NPAS2: variants seen among roughly 807,000 people sequenced by gnomAD.
NPAS2 encodes the protein neuronal PAS domain protein 2.
In NPAS2, 23 loss-of-function variants were observed where a neutral mutation model predicts 107.5. That is an observed-to-expected ratio of 0.21 (90% CI 0.15 to 0.30). NPAS2 has a LOEUF of 0.30. NPAS2 is among the 10% of genes least tolerant of loss of function. The pLI, the probability that NPAS2 is intolerant of heterozygous loss-of-function variation, is 1.00. For synonymous variants in NPAS2, 403 were observed against 417.5 expected (o/e 0.97, Z 0.42); for missense variants, 756 against 1,043.3 (o/e 0.72, Z 3.79).
chr2:100,846,382 T>C (rs1043846881), intron 1 of NPAS2, among the ~76,000 whole-genome samples: 1 of 152,226 alleles, frequency 6.6e-6, no homozygotes, highest in African/African-American at 2.4e-5. Flanking sequence ...TTGAAAGACA[T>C]CTGTAATTTT....
rs189134986 is a variant in NPAS2, at chr2:100,902,877, C to T, written c.-22-1856C>T. Reference sequence around the variant, plus strand: ...GTGCAGCTCAGCTGAATGGCTTAGTCGGGTCAAGTGAGAGGAACGGGGCAG... The same window carrying T: ...GTGCAGCTCAGCTGAATGGCTTAGTTGGGTCAAGTGAGAGGAACGGGGCAG... On this transcript the variant is annotated intron_variant, in intron 1 of 20. Coordinates refer to ENST00000335681, the MANE Select transcript of NPAS2 (RefSeq NM_002518.4). Among the ~76,000 whole-genome samples, 681 of 152,174 alleles carry T rather than the reference C, an allele frequency of 4.5e-3. 3 individuals are homozygous for T. The highest frequency in any genetic ancestry group is 0.016 in the African/African-American group (659 of 41,490).
Position 100,834,608 on chromosome 2 carries a change from G to A in NPAS2, c.-23+14194G>A, listed in dbSNP as rs547257115. 2.0e-5 allele frequency among the ~76,000 whole-genome samples: 3 copies of A among 152,308 alleles called. No individual in the cohort carries two copies. The South Asian group carries it at 6.2e-4, about 32-fold the overall frequency. On this transcript the variant is annotated intron_variant, in intron 1 of 20. Transcript: ENST00000335681. ...CTCATGTATGCCAGGCGGGGTCAGG[G>A]TCAGCTGCAGGATTTTCTCACCCGT...
At chr2:100,954,859 GTTTTTTTTGTTTTTTTTGT>G (rs1479212904) in intron 7 of NPAS2, among the ~76,000 whole-genome samples, 52 of 133,400 alleles carry the variant, frequency 3.9e-4, no homozygotes, top group African/African-American at 1.3e-3. Flanking sequence ...TCATTTTTTT[GTTTTTTTTGTTTTTTTTGT>G]TTTTTTTTGG....
At chr2:100,861,882 C>G (rs767432946) in intron 1 of NPAS2, among the ~76,000 whole-genome samples, 9 of 152,156 alleles carry the variant, frequency 5.9e-5, no homozygotes, top group Admixed American at 6.5e-5. Flanking sequence ...TCTGCACCAT[C>G]CTATGACTAC....
intron 1 of NPAS2, among the ~76,000 whole-genome samples, chr2:100,840,341 C>G (rs1440232170): frequency 1.3e-5 from 2 of 152,116 alleles, no homozygotes; most frequent in Admixed American, 6.5e-5. Context: ...GGAGTGGGGA[C>G]CACGTGTTTT....
chr2:100,875,780 C>T (rs1015682188), intron 1 of NPAS2, among the ~76,000 whole-genome samples: 5 of 152,218 alleles, frequency 3.3e-5, no homozygotes, highest in African/African-American at 1.2e-4. Flanking sequence ...AAACGCAGAA[C>T]AATGGCAGAC....
At chr2:100,979,050 A>G (rs1677230327) in intron 15 of NPAS2, among the ~76,000 whole-genome samples, 2 of 152,192 alleles carry the variant, frequency 1.3e-5, no homozygotes, top group Non-Finnish European at 2.9e-5. Flanking sequence ...CTTGGCACAC[A>G]TCTGTCACCA....
In NPAS2 at chr2:100,959,373, C is replaced by G. The variant is rs565955050; in HGVS notation, c.599-4685C>G. ...CAAAACACAGCTGAAACAAAGGAAA[C>G]AGAAAGGAAAGGATCAAATATGCCC... On this transcript the variant is annotated intron_variant, in intron 7 of 20. Coordinates refer to ENST00000335681, the MANE Select transcript of NPAS2 (RefSeq NM_002518.4). 1.1e-4 allele frequency among the ~76,000 whole-genome samples: 16 copies of G among 152,198 alleles called. No homozygotes were observed. The South Asian group carries it at 3.1e-3, about 30-fold the overall frequency.
At chr2:100,877,750 CAT>C (rs1304484241) in intron 1 of NPAS2, among the ~76,000 whole-genome samples, 2 of 152,154 alleles carry the variant, frequency 1.3e-5, no homozygotes, top group African/African-American at 4.8e-5. Context: ...TGGCGTGACT[CAT>C]CACCGAAGCA....
rs148864767 is a variant in NPAS2 at position 100,921,850 on chromosome 2, C to T, written c.33-3296C>T. Among the ~76,000 whole-genome samples, 940 of 152,164 alleles carry T rather than the reference C, an allele frequency of 6.2e-3. 4 individuals carry two copies. The highest frequency in any genetic ancestry group is 0.014 in the Middle Eastern group (4 of 294). ...TGTATTCACCCAAGAGAAATGAATG[C>T]CTATATCTACACACAGATCTGTACA... On this transcript the variant is annotated intron_variant, in intron 2 of 20. Coordinates refer to ENST00000335681, the MANE Select transcript of NPAS2 (RefSeq NM_002518.4).
chr2:100,877,396 C>T (rs11904551), intron 1 of NPAS2, among the ~76,000 whole-genome samples: 87,697 of 141,504 alleles, frequency 0.62, 27,443 homozygotes, highest in Non-Finnish European at 0.71. Context: ...ACCTGGGAGG[C>T]GGAGCTTGCA....
intron 1 of NPAS2, among the ~76,000 whole-genome samples, chr2:100,873,301 TATATATACAC>T (rs1356204763): frequency 0.025 from 1,605 of 64,664 alleles, 16 homozygotes; most frequent in Non-Finnish European, 0.032. Flanking sequence ...TATATATATA[TATATATACAC>T]ACACACACAC....
intron 1 of NPAS2, among the ~76,000 whole-genome samples, chr2:100,864,722 A>C (rs1234438027): frequency 6.6e-6 from 1 of 152,240 alleles, no homozygotes; most frequent in Non-Finnish European, 1.5e-5. Context: ...ATTTATGTTG[A>C]AAATTTAGAG....
Position 100,862,800 on chromosome 2 carries a change from C to T in NPAS2, c.-22-41933C>T, listed in dbSNP as rs1310145038. Reference sequence around the variant, plus strand: ...GTGCTCCACTTCCTGTTGATGAGCTCTTCCTTTTACGGGAGTTGCTCTTGT... The same window carrying T: ...GTGCTCCACTTCCTGTTGATGAGCTTTTCCTTTTACGGGAGTTGCTCTTGT... On this transcript the variant is annotated intron_variant, in intron 1 of 20. Coordinates refer to ENST00000335681, the MANE Select transcript of NPAS2 (RefSeq NM_002518.4). Among the ~76,000 whole-genome samples, 3 of 152,198 alleles carry T rather than the reference C, an allele frequency of 2.0e-5. 1 individual carries two copies. The highest frequency in any genetic ancestry group is 1.3e-4 in the Admixed American group (2 of 15,284).
intron 1 of NPAS2, among the ~76,000 whole-genome samples, chr2:100,876,181 G>A (rs891083457): frequency 6.6e-6 from 1 of 152,102 alleles, no homozygotes; most frequent in Admixed American, 6.6e-5. Context: ...TCTCTTCCCC[G>A]TAGCTGGTAT....
At chr2:100,961,671 A>G (rs982914187) in intron 7 of NPAS2, among the ~76,000 whole-genome samples, 16 of 152,208 alleles carry the variant, frequency 1.1e-4, no homozygotes, top group Non-Finnish European at 1.9e-4. Context: ...CCTAATGTCC[A>G]TGGTCCAGGT....
intron 2 of NPAS2, among the ~76,000 whole-genome samples, chr2:100,911,485 C>T (rs369081120): frequency 1.2e-4 from 18 of 152,244 alleles, no homozygotes; most frequent in East Asian, 7.7e-4. Flanking sequence ...AGTGCAGTGG[C>T]GCAATCATGG....
chr2:100,896,356 G>T (rs892218177), intron 1 of NPAS2, among the ~76,000 whole-genome samples: 1 of 152,192 alleles, frequency 6.6e-6, no homozygotes, highest in Admixed American at 6.5e-5. Context: ...GGCCTCCTGA[G>T]TCAGTGCCAG....
rs375009316 is a variant in NPAS2, at chr2:100,820,601, A to C, written c.-23+187A>C. ...CGCGGAGAGGTGGGTTCCCCTCCACAGTCAGGCCGCTGGGGGCTTCGCGTC... is the reference window on the plus strand; with the variant it reads ...CGCGGAGAGGTGGGTTCCCCTCCACCGTCAGGCCGCTGGGGGCTTCGCGTC... On this transcript the variant is annotated intron_variant, in intron 1 of 20. Transcript: ENST00000335681. This position sits in a 1 kb window ranked among gnomAD's most constrained non-coding sequence, Gnocchi z 5.6. 1.8e-4 allele frequency among the ~76,000 whole-genome samples: 27 copies of C among 152,120 alleles called. No individual in the cohort carries two copies. The East Asian group carries it at 2.0e-3, about 11-fold the overall frequency.
Sources: gnomAD v4.1 joint callset for allele counts (sites outside exome capture counted in the v4.1 genomes callset) on GRCh38, gnomAD v4.1.1 for gene constraint, Gnocchi (gnomAD v3.1) non-coding constraint, MANE v1.5 for transcripts, NCBI Gene and HGNC (gene_info 2026-07-23, HGNC 2026-07-21) for gene names.